TBCE: variants seen among roughly 807,000 people sequenced by gnomAD.
TBCE encodes tubulin-specific chaperone E.
A neutral mutation model predicts 77.0 loss-of-function variants in TBCE; 53 were observed. That is an observed-to-expected ratio of 0.69 (90% CI 0.55 to 0.87). The LOEUF (loss-of-function observed/expected upper bound fraction) is 0.87, where lower values mean the gene tolerates loss of function less well. Ranked by LOEUF, TBCE falls within the 40% of genes least tolerant of loss-of-function variation. The pLI is 0.00. For synonymous variants in TBCE, 235 were observed against 241.3 expected, an observed-to-expected ratio of 0.97 and a Z score of 0.24; for missense variants, 624 against 622.4, an observed-to-expected ratio of 1.00 and a Z score of -0.03.
rs1202177505 is a variant in TBCE at position 235,441,647 on chromosome 1, C to T, written c.1271-167C>T. The stretch of plus-strand genomic sequence containing the variant: ...AGAAGATTCTGCCCTTGGAAGTGGT[C>T]GTTGTCCATCACTCCTAAAAATCAC... On this transcript the variant is annotated intron_variant, in intron 13 of 16. Transcript: ENST00000642610. 7 of 630,300 alleles carry T rather than the reference C, an allele frequency of 1.1e-5. 1 individual carries two copies. The highest frequency in any genetic ancestry group is 5.3e-5 in the Admixed American group (2 of 37,930). 39.0% of individuals were successfully genotyped at this position (630,300 alleles called of 1,614,324 possible). A position where few individuals can be genotyped will look rare whatever the true frequency, so the allele number is the denominator to read the frequency against.
chr1:235,400,699 CTTT>C (rs1012601112), intron 2 of TBCE, among the ~76,000 whole-genome samples: 1 of 133,578 alleles, frequency 7.5e-6, no homozygotes. Flanking sequence ...TGTGCCCAGC[CTTT>C]TTTTTTTTTG....
chr1:235,435,059 G>A (rs931368409), intron 8 of TBCE, among the ~76,000 whole-genome samples: 2 of 151,378 alleles, frequency 1.3e-5, no homozygotes, highest in Non-Finnish European at 2.9e-5. Context: ...AAAGATTTTC[G>A]TTTACAGAAG....
At chr1:235,412,882 C>T (rs1679892843) in intron 3 of TBCE, among the ~76,000 whole-genome samples, 1 of 152,196 alleles carries the variant, frequency 6.6e-6, no homozygotes, top group Admixed American at 6.5e-5. Flanking sequence ...TGGCTCACCG[C>T]AACCTCTGCC....
chr1:235,389,358 G>A (rs527969581), intron 2 of TBCE, among the ~76,000 whole-genome samples: 12 of 152,110 alleles, frequency 7.9e-5, no homozygotes, highest in African/African-American at 2.2e-4. Flanking sequence ...GTTGAGTTTC[G>A]TTCTTGTTGC....
Position 235,374,343 on chromosome 1 carries a change from C to T in TBCE, c.-31-5676C>T, listed in dbSNP as rs551371482. Among the ~76,000 whole-genome samples, 9 of 145,718 alleles carry T rather than the reference C, an allele frequency of 6.2e-5. 4 individuals are homozygous for T. The highest frequency in any genetic ancestry group is 1.9e-4 in the African/African-American group (7 of 37,704). On this transcript the variant is annotated intron_variant, in intron 1 of 16. Coordinates refer to ENST00000642610, the MANE Select transcript of TBCE (RefSeq NM_003193.5). ...GAATGTGGCGTTCAGTTCTAGATAT[C>T]GCAATTTAAGCATGGAATCAGTAAA...
chr1:235,402,206 G>A (rs1050159076), intron 3 of TBCE, among the ~76,000 whole-genome samples: 1 of 151,772 alleles, frequency 6.6e-6, no homozygotes, highest in African/African-American at 2.4e-5. Context: ...TGGGATTACA[G>A]GTGCCCACGA....
intron 7 of TBCE, 59 bp from the exon 8 acceptor site, chr1:235,434,145 C>T (rs111387533): frequency 6.7e-7 from 1 of 1,486,850 alleles, no homozygotes; most frequent in Non-Finnish European, 9.4e-7. Flanking sequence ...TTCCTATGAA[C>T]ACCCGGGAAG....
intron 2 of TBCE, among the ~76,000 whole-genome samples, chr1:235,386,618 C>T (rs1187387319): frequency 1.5e-4 from 23 of 152,128 alleles, no homozygotes; most frequent in Non-Finnish European, 2.1e-4. Flanking sequence ...GCATTCTTCA[C>T]GTAGTTCTTG....
Position 235,448,377 on chromosome 1 carries a change from A to T in TBCE, c.1428A>T (p.Gly476=). The part of the protein sequence containing the change: ...PGSMTIQKVK[G]LLSRLLKVPV... ...CCATGACAATTCAAAAGGTGAAGGG[A>T]TTGCTGTCACGTCTTCTCAAAGTTC... The change falls in exon 16 of 17, where the codon GGA becomes GGT. Residue 476 remains glycine (G), a synonymous_variant. Transcript: ENST00000642610. 1 of 1,614,164 alleles carries T rather than the reference A, an allele frequency of 6.2e-7. No individual in the cohort carries two copies. The highest frequency in any genetic ancestry group is 8.5e-7 in the Non-Finnish European group (1 of 1,180,028).
intron 2 of TBCE, among the ~76,000 whole-genome samples, chr1:235,382,897 A>G (rs747333627): frequency 0.058 from 8,823 of 151,132 alleles, 442 homozygotes; most frequent in African/African-American, 0.14. Flanking sequence ...GCCCATGCCT[A>G]TGTCCTGAAT....
intron 2 of TBCE, among the ~76,000 whole-genome samples, chr1:235,397,254 T>G (rs1183249818): frequency 1.4e-5 from 2 of 145,734 alleles, no homozygotes; most frequent in East Asian, 4.0e-4. Flanking sequence ...CAGGCTGGAG[T>G]GCAGTGGCGC....
chr1:235,434,549 C>CTTTTTTT lies in TBCE; in HGVS notation c.737+270_737+276dup, dbSNP rs113532290. 6.0e-3 allele frequency among the ~76,000 whole-genome samples: 882 copies of CTTTTTTT among 146,830 alleles called. 14 individuals are homozygous for CTTTTTTT. The highest frequency in any genetic ancestry group is 0.018 in the African/African-American group (702 of 39,834). ...CTTGCTGTTTCTTTTTTTTCTTTTT[C>CTTTTTTT]TTTTTTTGAGACAGAGTCTCACTCT... On this transcript the variant is annotated intron_variant, in intron 8 of 16. Transcript: ENST00000642610.
chr1:235,424,799 C>G (rs1384053773), intron 5 of TBCE, among the ~76,000 whole-genome samples: 1 of 152,068 alleles, frequency 6.6e-6, no homozygotes, highest in Admixed American at 6.6e-5. Context: ...GCCACAGTTC[C>G]CGGTCCAATT....
intron 1 of TBCE, among the ~76,000 whole-genome samples, chr1:235,373,570 A>G (rs561678021): frequency 6.2e-4 from 94 of 152,242 alleles, no homozygotes; most frequent in African/African-American, 2.0e-3. Context: ...CAGTCTCCCA[A>G]GTAGGTGGGA....
intron 2 of TBCE, among the ~76,000 whole-genome samples, chr1:235,382,220 G>A (rs1433627917): frequency 4.8e-4 from 72 of 151,550 alleles, no homozygotes; most frequent in African/African-American, 1.5e-3. Flanking sequence ...ATCATTGTTG[G>A]ACATTTGGGT....
intron 2 of TBCE, among the ~76,000 whole-genome samples, chr1:235,380,816 G>A (rs1284040794): frequency 3.3e-5 from 5 of 152,006 alleles, no homozygotes; most frequent in Non-Finnish European, 4.4e-5. Flanking sequence ...ACAGAGTTTC[G>A]CTCTTGTTAT....
chr1:235,410,515 C>T (rs1024027018), intron 3 of TBCE, among the ~76,000 whole-genome samples: 6 of 152,086 alleles, frequency 3.9e-5, no homozygotes, highest in African/African-American at 1.4e-4. Context: ...GGGTTTTAGC[C>T]AGCTTCTTTA....
At chr1:235,389,959 C>G (rs1195631764) in intron 2 of TBCE, among the ~76,000 whole-genome samples, 1 of 151,804 alleles carries the variant, frequency 6.6e-6, no homozygotes, top group East Asian at 1.9e-4. Flanking sequence ...CCTGTCTCTA[C>G]TAAAAATACA....
chr1:235,439,118 G>C, intron 13 of TBCE, 196 bp downstream of exon 13: 3 of 666,652 alleles, frequency 4.5e-6, no homozygotes, highest in South Asian at 3.6e-5. Context: ...CTTTCAGCAG[G>C]AGGAACCTGG....
Sources: allele counts gnomAD v4.1 joint callset (sites outside exome capture counted in the v4.1 genomes callset), GRCh38; gene constraint gnomAD v4.1.1; transcripts MANE v1.5; gene names NCBI Gene and HGNC (gene_info 2026-07-23, HGNC 2026-07-21).